POLR3E: variants seen among roughly 807,000 people sequenced by gnomAD.
POLR3E encodes the protein RNA polymerase III subunit E.
POLR3E carries 41 observed loss-of-function variants against 96.6 expected under a neutral mutation model. That is an observed-to-expected ratio of 0.42 (90% CI 0.33 to 0.55). The LOEUF (loss-of-function observed/expected upper bound fraction) is 0.55, where lower values mean the gene tolerates loss of function less well. Ranked by LOEUF, POLR3E falls within the 20% of genes least tolerant of loss-of-function variation. The pLI is 0.06. For synonymous variants in POLR3E, 396 were observed against 383.6 expected, an observed-to-expected ratio of 1.03 and a Z score of -0.38; for missense variants, 849 against 952.1, an observed-to-expected ratio of 0.89 and a Z score of 1.43.
intron 19 of POLR3E, 84 bp downstream of exon 19, chr16:22,328,671 A>G: frequency 2.8e-6 from 3 of 1,055,312 alleles, no homozygotes; most frequent in African/African-American, 1.6e-5. Context: ...ATGTGCACCC[A>G]AAGTGCAGCC....
At chr16:22,320,354 C>T (rs755475308) in intron 13 of POLR3E, among the ~76,000 whole-genome samples, 4 of 152,012 alleles carry the variant, frequency 2.6e-5, no homozygotes, top group African/African-American at 7.3e-5. Context: ...CTCTGTCTCC[C>T]GGGTTTAAGC....
intron 16 of POLR3E, 75 bp from the exon 17 acceptor site, chr16:22,325,130 G>C (rs1345157881): frequency 8.8e-7 from 1 of 1,136,022 alleles, no homozygotes; most frequent in Non-Finnish European, 1.3e-6. Context: ...TGGGGCCTAA[G>C]GGGTGGTTGT....
In POLR3E at chr16:22,309,049, C is replaced by G. The variant is rs761096373; in HGVS notation, c.281+9C>G. 1.6e-5 allele frequency: 26 copies of G among 1,595,248 alleles called. No individual in the cohort carries two copies. Among genetic ancestry groups the G allele is most frequent in the Non-Finnish European group, 2.1e-5 (25 of 1,163,788 alleles). On this transcript the variant is annotated intron_variant, in intron 5 of 20. Transcript: ENST00000299853. ...ACCAGCACGTATTCCTCGTGAGTTT[C>G]CGGCCCCAAGCCTGTCCGGTTTCCC...
chr16:22,297,719 C>CT (rs1371387141), intron 1 of POLR3E, among the ~76,000 whole-genome samples, 182 bp downstream of exon 1: 2 of 152,238 alleles, frequency 1.3e-5, no homozygotes, highest in African/African-American at 2.4e-5. Flanking sequence ...ACCCCGGACT[C>CT]TGACTTCCTT....
chr16:22,317,283 G>A (rs2048377265), intron 12 of POLR3E, 77 bp downstream of exon 12: 3 of 1,054,272 alleles, frequency 2.8e-6, no homozygotes, highest in Non-Finnish European at 2.9e-6. Flanking sequence ...GGGACAGTGA[G>A]GACCAGGGGA....
intron 16 of POLR3E, 50 bp downstream of exon 16, chr16:22,324,710 G>A: frequency 6.3e-7 from 1 of 1,583,668 alleles, no homozygotes; most frequent in Non-Finnish European, 8.7e-7. Flanking sequence ...CAGCAACCCT[G>A]CATCCTGGGG....
intron 1 of POLR3E, among the ~76,000 whole-genome samples, chr16:22,299,319 G>C (rs539612299): frequency 1.3e-5 from 2 of 152,100 alleles, no homozygotes. Context: ...GATTATGTAG[G>C]GCCTTAGGTG....
intron 12 of POLR3E, among the ~76,000 whole-genome samples, chr16:22,317,668 T>TTGTTG (rs1348012035): frequency 1.5e-4 from 22 of 143,562 alleles, no homozygotes; most frequent in African/African-American, 5.0e-4. Flanking sequence ...TGTTGTTGTT[T>TTGTTG]TTTTTTTTAA....
At chr16:22,309,141 C>G in intron 5 of POLR3E, 101 bp downstream of exon 5, 1 of 794,074 alleles carries the variant, frequency 1.3e-6, no homozygotes, top group Non-Finnish European at 2.1e-6. Flanking sequence ...TCACTGGGCT[C>G]CCCACCAGTG....
chr16:22,305,323 G>A, intron 3 of POLR3E, 117 bp downstream of exon 3: 4 of 794,104 alleles, frequency 5.0e-6, no homozygotes, highest in Non-Finnish European at 6.8e-6. Flanking sequence ...GGTGTGGAGA[G>A]TGTCATGGGG....
At position 22,325,915 on chromosome 16, in the gene POLR3E, C is replaced by A; in HGVS notation, c.1503C>A (p.Pro501=). The A allele has an allele frequency of 1.2e-6, 2 of 1,602,820 alleles. No homozygotes were observed. The highest frequency in any genetic ancestry group is 2.3e-5 in the East Asian group (1 of 44,318). ...VPPGVRIKEE[P]VSEEGEEDEE... ...CCGGTGTGCGGATCAAGGAGGAGCC[C>A]GTGAGCGAGGAGGGCGAGGAGGACG... Residue 501 remains proline (P), a synonymous_variant, in exon 18 of 21, where the codon CCC becomes CCA. Transcript: ENST00000299853.
rs1054526817 is a variant in POLR3E at position 22,313,043 on chromosome 16, G to A, written c.365-577G>A. ...CCCATGTCTCAAGCATGTAATTCTTGAAAGCCACATCCCTTGCAGCGGGAG... is the reference window on the plus strand; with the variant it reads ...CCCATGTCTCAAGCATGTAATTCTTAAAAGCCACATCCCTTGCAGCGGGAG... On this transcript the variant is annotated intron_variant, in intron 6 of 20. Transcript: ENST00000299853. The surrounding 1 kb of genome is among the most constrained non-coding windows in gnomAD (Gnocchi z 4.1). Among the ~76,000 whole-genome samples, 2 of 152,136 alleles carry A rather than the reference G, an allele frequency of 1.3e-5. No homozygotes were observed. Among genetic ancestry groups the A allele is most frequent in the African/African-American group, 4.8e-5 (2 of 41,416 alleles).
rs374238538 is a variant in POLR3E at position 22,313,711 on chromosome 16, G to A, written c.456G>A (p.Arg152=). Residue 152 remains arginine (R), a synonymous_variant, in exon 7 of 21, where the codon AGG becomes AGA. Transcript: ENST00000299853. This position sits in a 1 kb window ranked among gnomAD's most constrained non-coding sequence, Gnocchi z 4.1. ...LDKADAKHRE[R]EAANEAGDSS... Reference sequence around the variant, plus strand: ...AGGCTGACGCCAAGCACCGGGAGAGGGAGGCGGCCAACGAGGGTGAGCCCG... The same window carrying A: ...AGGCTGACGCCAAGCACCGGGAGAGAGAGGCGGCCAACGAGGGTGAGCCCG... 26 of 1,612,154 alleles carry A rather than the reference G, an allele frequency of 1.6e-5. No homozygotes were observed. In the African/African-American group the frequency reaches 2.8e-4, roughly 17 times the overall value.
chr16:22,298,560 G>T (rs1047869570), intron 1 of POLR3E, among the ~76,000 whole-genome samples: 2 of 152,242 alleles, frequency 1.3e-5, no homozygotes, highest in Admixed American at 1.3e-4. Flanking sequence ...GCTGTGGTGG[G>T]ATTTGAACCT....
At chr16:22,317,665 G>A (rs528019882) in intron 12 of POLR3E, among the ~76,000 whole-genome samples, 1 of 140,840 alleles carries the variant, frequency 7.1e-6, no homozygotes, top group Admixed American at 7.1e-5. Flanking sequence ...TGTTGTTGTT[G>A]TTTTTTTTTT....
chr16:22,315,481 G>GT (rs1460547895), intron 9 of POLR3E, among the ~76,000 whole-genome samples: 1 of 152,146 alleles, frequency 6.6e-6, no homozygotes, highest in Non-Finnish European at 1.5e-5. Flanking sequence ...AGTGGGGCTA[G>GT]TGCCTGGTAA....
At chr16:22,301,090 G>T (rs1348435757) in intron 1 of POLR3E, among the ~76,000 whole-genome samples, 4 of 147,858 alleles carry the variant, frequency 2.7e-5, no homozygotes, top group Non-Finnish European at 4.5e-5. Flanking sequence ...GAGAGGGAAG[G>T]TCTTAGCCAC....
chr16:22,301,129 G>C (rs1324101901), intron 1 of POLR3E, among the ~76,000 whole-genome samples: 1 of 141,370 alleles, frequency 7.1e-6, no homozygotes, highest in Non-Finnish European at 1.6e-5. Context: ...AAACCGGAAA[G>C]AGGTGAAGGG....
chr16:22,299,152 T>C (rs2047968571), intron 1 of POLR3E: 1 of 415,048 alleles, frequency 2.4e-6, no homozygotes, highest in Middle Eastern at 3.6e-4. Flanking sequence ...TATCCTCTCC[T>C]GCAGGCGGTG....
Sources: gnomAD v4.1 joint callset for allele counts (sites outside exome capture counted in the v4.1 genomes callset) on GRCh38, gnomAD v4.1.1 for gene constraint, Gnocchi (gnomAD v3.1) non-coding constraint, MANE v1.5 for transcripts, NCBI Gene and HGNC (gene_info 2026-07-23, HGNC 2026-07-21) for gene names.